The following SCEL variants were observed in gnomAD, a reference collection of about 807,000 sequenced individuals.
The protein encoded by SCEL is sciellin.
In SCEL, 113 loss-of-function variants were observed where a neutral mutation model predicts 117.6. The ratio of observed to expected loss-of-function variants is 0.96; its 90% CI spans 0.83 to 1.12. The LOEUF is 1.12. Ranked by LOEUF, SCEL falls within the 50% of genes most tolerant of loss-of-function variation. The pLI, the probability that SCEL is intolerant of heterozygous loss-of-function variation, is 0.00. For missense variants in SCEL, 785 were observed against 810.8 expected (o/e 0.97, Z 0.39); for synonymous variants, 270 against 256.2 (o/e 1.05, Z -0.51).
At chr13:77,544,035 C>T (rs917060399) in intron 1 of SCEL, among the ~76,000 whole-genome samples, 2 of 152,190 alleles carry the variant, frequency 1.3e-5, no homozygotes, top group Non-Finnish European at 2.9e-5. Flanking sequence ...TCTGACTTCA[C>T]TGAAACCATT....
In SCEL at chr13:77,640,790, G is replaced by A. The variant is rs780733106; in HGVS notation, c.1947+6G>A. ...GCCATTCTACTTGCTTTAAGGTAAG[G>A]ATGTGTTTATTTCACTTAATTAAAT... is the stretch of plus-strand genomic sequence containing the variant. On this transcript the variant is annotated splice_donor_region_variant and intron_variant, in intron 31 of 32. Transcript: ENST00000349847. 3.6e-6 allele frequency: 5 copies of A among 1,371,240 alleles called. No homozygotes were observed. In the African/African-American group the frequency reaches 7.2e-5, roughly 20 times the overall value. The allele number at this position is 1,371,240 out of a possible 1,614,324, so 84.9% of individuals were successfully genotyped here.
At chr13:77,571,121 C>T (rs563180729) in intron 8 of SCEL, among the ~76,000 whole-genome samples, 10 of 151,148 alleles carry the variant, frequency 6.6e-5, no homozygotes, top group Non-Finnish European at 1.2e-4. Context: ...TGAGGCCCTG[C>T]GCCTAGCTCG....
At chr13:77,573,303 C>T (rs1445592608) in intron 9 of SCEL, among the ~76,000 whole-genome samples, 2 of 152,060 alleles carry the variant, frequency 1.3e-5, no homozygotes, top group Non-Finnish European at 2.9e-5. Flanking sequence ...AAACAGGTCT[C>T]CTATTTAGTT....
chr13:77,636,733 C>T (rs2090295828), intron 29 of SCEL, among the ~76,000 whole-genome samples: 1 of 152,166 alleles, frequency 6.6e-6, no homozygotes, highest in Non-Finnish European at 1.5e-5. Context: ...CAGTTTCTCT[C>T]TGTGAATGGT....
At chr13:77,602,931 T>C in intron 17 of SCEL, 145 bp from the exon 18 acceptor site, 1 of 630,686 alleles carries the variant, frequency 1.6e-6, no homozygotes, top group Non-Finnish European at 2.6e-6. Flanking sequence ...TGTTATTGAT[T>C]GGCAATTTTT....
chr13:77,543,661 T>C (rs1479834519), intron 1 of SCEL, among the ~76,000 whole-genome samples: 1 of 152,242 alleles, frequency 6.6e-6, no homozygotes, highest in East Asian at 1.9e-4. Flanking sequence ...GTACCCAATG[T>C]TTAGTTCCCA....
intron 1 of SCEL, among the ~76,000 whole-genome samples, chr13:77,536,310 G>C (rs778420674): frequency 6.6e-6 from 1 of 152,032 alleles, no homozygotes; most frequent in Non-Finnish European, 1.5e-5. Context: ...GCAAGTTGCT[G>C]AGCTATGAGA....
At chr13:77,540,993 A>G (rs1243440225) in intron 1 of SCEL, among the ~76,000 whole-genome samples, 1 of 152,182 alleles carries the variant, frequency 6.6e-6, no homozygotes, top group Non-Finnish European at 1.5e-5. Context: ...GGACTTGACG[A>G]TTGCTTGGAT....
In SCEL at chr13:77,637,107, AT is replaced by A; in HGVS notation, c.1764-9del. The A allele has an allele frequency of 7.1e-7, 1 of 1,407,630 alleles. No individual in the cohort carries two copies. Among genetic ancestry groups the A allele is most frequent in the South Asian group, 1.3e-5 (1 of 79,834 alleles). The allele number at this position is 1,407,630 out of a possible 1,614,324, so 87.2% of individuals were successfully genotyped here. Reference sequence around the variant, plus strand: ...TCACCTGATTCTCACATGTCCATATATTTTGTTCCTAGTAAATCACCCAAGG... The same window carrying A: ...TCACCTGATTCTCACATGTCCATATATTTGTTCCTAGTAAATCACCCAAGG... On this transcript the variant is annotated splice_polypyrimidine_tract_variant and intron_variant, in intron 29 of 32. Transcript: ENST00000349847.
intron 9 of SCEL, among the ~76,000 whole-genome samples, chr13:77,584,500 C>G (rs1428493208): frequency 6.6e-6 from 1 of 152,190 alleles, no homozygotes; most frequent in Non-Finnish European, 1.5e-5. Flanking sequence ...ATTCTCCAGA[C>G]CATTTCAGAT....
chr13:77,591,711 A>G (rs1291722072), intron 11 of SCEL, among the ~76,000 whole-genome samples: 2 of 152,208 alleles, frequency 1.3e-5, no homozygotes, highest in Non-Finnish European at 2.9e-5. Flanking sequence ...CAAACCCACT[A>G]AAGGCAGGAA....
At chr13:77,580,843 A>G (rs1323263896) in intron 9 of SCEL, among the ~76,000 whole-genome samples, 1 of 152,146 alleles carries the variant, frequency 6.6e-6, no homozygotes, top group African/African-American at 2.4e-5. Context: ...TATTTTCTAC[A>G]TAATTTCTCA....
intron 9 of SCEL, among the ~76,000 whole-genome samples, chr13:77,578,207 A>G (rs536811060): frequency 6.6e-6 from 1 of 152,270 alleles, no homozygotes; most frequent in Non-Finnish European, 1.5e-5. Context: ...AGATATGACC[A>G]TGAGGTAGCA....
At chr13:77,556,820 C>T in intron 3 of SCEL, 107 bp downstream of exon 3, 1 of 790,672 alleles carries the variant, frequency 1.3e-6, no homozygotes, top group Non-Finnish European at 2.2e-6. Flanking sequence ...TCCTGAAACA[C>T]TTTGTTGCAT....
chr13:77,627,504 A>AC (rs1320550816), intron 27 of SCEL, among the ~76,000 whole-genome samples: 1 of 152,194 alleles, frequency 6.6e-6, no homozygotes, highest in Non-Finnish European at 1.5e-5. Context: ...AGATGAGAAG[A>AC]CATTGAATAA....
chr13:77,634,146 G>A (rs757930064), intron 28 of SCEL, among the ~76,000 whole-genome samples: 20 of 152,178 alleles, frequency 1.3e-4, no homozygotes, highest in Non-Finnish European at 2.6e-4. Context: ...GAGTGATCAA[G>A]TTTTGTAACA....
At chr13:77,608,993 A>G in intron 20 of SCEL, 65 bp from the exon 21 acceptor site, 1 of 1,310,058 alleles carries the variant, frequency 7.6e-7, no homozygotes, top group Non-Finnish European at 1.1e-6. Context: ...TATCCTTTAA[A>G]TCAAAACAGT....
intron 12 of SCEL, among the ~76,000 whole-genome samples, chr13:77,594,588 A>G (rs1268180252): frequency 6.6e-6 from 1 of 152,210 alleles, no homozygotes; most frequent in Non-Finnish European, 1.5e-5. Flanking sequence ...ATAAGAGCGA[A>G]TCATACTCAG....
chr13:77,637,290 A>G (rs1032159485), intron 30 of SCEL, 96 bp downstream of exon 30: 3 of 193,536 alleles, frequency 1.6e-5, no homozygotes, highest in African/African-American at 7.7e-5. Context: ...GCACACACAC[A>G]TATATATAAA....
Sources: allele counts gnomAD v4.1 joint callset (sites outside exome capture counted in the v4.1 genomes callset), GRCh38; gene constraint gnomAD v4.1.1; transcripts MANE v1.5; gene names NCBI Gene and HGNC (gene_info 2026-07-23, HGNC 2026-07-21).